The following C1orf167 variants were observed in gnomAD, a reference collection of about 807,000 sequenced individuals.
C1orf167 encodes the protein chromosome 1 open reading frame 167, also known as uncharacterized protein C1orf167.
C1orf167 carries 153 observed loss-of-function variants against 176.5 expected under a neutral mutation model. The observed-to-expected ratio is 0.87, with a 90% CI of 0.76 to 0.99. The LOEUF is 0.99. Ranked by LOEUF, C1orf167 falls within the 50% of genes least tolerant of loss-of-function variation. The pLI, the probability that C1orf167 is intolerant of heterozygous loss-of-function variation, is 0.00. For missense variants in C1orf167, 1,490 were observed against 1,817.7 expected (o/e 0.82, Z 3.28); for synonymous variants, 594 against 752.7 (o/e 0.79, Z 3.45).
At chr1:11,781,574 G>A (rs955569634) in intron 13 of C1orf167, among the ~76,000 whole-genome samples, 1 of 152,304 alleles carries the variant, frequency 6.6e-6, no homozygotes, top group African/African-American at 2.4e-5. Flanking sequence ...GGAACACTGA[G>A]CCAGTGTTTC....
In C1orf167 at chr1:11,766,791, C is replaced by A; in HGVS notation, c.1005C>A (p.Thr335=). The change falls in exon 3 of 21, where the codon ACC becomes ACA. Residue 335 remains threonine, a synonymous_variant. Transcript: ENST00000688073. This position sits in a 1 kb window ranked among gnomAD's most constrained non-coding sequence, Gnocchi z 4.5. ...CTGAGACCACTTTGGGGACACGGACCAAGGATTCCCTTAATCCTGAGCAGG... is the reference window on the plus strand; with the variant it reads ...CTGAGACCACTTTGGGGACACGGACAAAGGATTCCCTTAATCCTGAGCAGG... ...MSPETTLGTR[T]KDSLNPEQGL... The A allele has an allele frequency of 7.8e-7, 1 of 1,289,722 alleles. No individual in the cohort carries two copies. Among genetic ancestry groups the A allele is most frequent in the Non-Finnish European group, 1.0e-6 (1 of 988,832 alleles). The allele number at this position is 1,289,722 out of a possible 1,614,324, so 79.9% of individuals were successfully genotyped here. A position where few individuals can be genotyped will look rare whatever the true frequency, so the allele number is the denominator to read the frequency against.
chr1:11,767,484 C>CT (rs1373451663), intron 4 of C1orf167, among the ~76,000 whole-genome samples: 1 of 152,094 alleles, frequency 6.6e-6, no homozygotes, highest in Non-Finnish European at 1.5e-5. Context: ...GTTTGGGACA[C>CT]TGAGTGTCCT....
At chr1:11,773,853 A>G (rs10864539) in intron 8 of C1orf167, among the ~76,000 whole-genome samples, 87,566 of 151,888 alleles carry the variant, frequency 0.58, 26,081 homozygotes, top group East Asian at 0.77. Flanking sequence ...AGAGTTTGCA[A>G]TGAGGTCCAT....
chr1:11,785,869 A>C (rs1643843356), intron 16 of C1orf167: 1 of 152,178 alleles, frequency 6.6e-6, no homozygotes, highest in Admixed American at 6.5e-5. Context: ...AGTAGCTGGG[A>C]CTACAAGTGC....
At chr1:11,783,317 G>A (rs1345894845) in intron 14 of C1orf167, among the ~76,000 whole-genome samples, 1 of 152,038 alleles carries the variant, frequency 6.6e-6, no homozygotes, top group Non-Finnish European at 1.5e-5. Flanking sequence ...GCGCGATCTC[G>A]GCTTACCACA....
At chr1:11,778,499 G>C (rs80001635) in intron 10 of C1orf167, 161 bp from the exon 11 acceptor site, 39,369 of 506,052 alleles carry the variant, frequency 0.078, 1,796 homozygotes, top group Middle Eastern at 0.13. Context: ...CAGCCGCTGT[G>C]GGGGGCAGCA....
chr1:11,770,600 C>T (rs974072076), intron 6 of C1orf167, among the ~76,000 whole-genome samples: 9 of 149,398 alleles, frequency 6.0e-5, no homozygotes, highest in African/African-American at 1.5e-4. Flanking sequence ...CACACCACCA[C>T]GCCTGGCTGA....
chr1:11,777,400 C>T (rs1643369593), intron 10 of C1orf167: 2 of 152,686 alleles, frequency 1.3e-5, no homozygotes, highest in Non-Finnish European at 2.9e-5. Context: ...CCTGTAATCC[C>T]AGCACTTTAA....
chr1:11,787,966 G>A lies in C1orf167; in HGVS notation c.3767G>A (p.Arg1256Lys). The change falls in exon 18 of 21, where the codon AGG (arginine) becomes AAG (lysine). Residue 1256 changes from arginine to lysine, a missense_variant. Arg to Lys is a conservative substitution (Grantham distance 26, BLOSUM62 2). Coordinates refer to ENST00000688073, the MANE Select transcript of C1orf167 (RefSeq NM_001010881.2). The stretch of plus-strand genomic sequence containing the variant: ...GTCCCAGGCCTGCCCCTGTGGACGA[G>A]GGACCAGGGACCAAGAGCGCACTCC... Reference protein sequence around the residue: ...SWVPGLPLWTRDQGPRAHSSP... With the variant: ...SWVPGLPLWTKDQGPRAHSSP... 7.7e-7 allele frequency: 1 copy of A among 1,304,248 alleles called. No homozygotes were observed. The highest frequency in any genetic ancestry group is 1.5e-5 in the African/African-American group (1 of 66,000). 80.8% of individuals were successfully genotyped at this position (1,304,248 alleles called of 1,614,324 possible).
At chr1:11,788,980 G>A (rs976212337) in intron 20 of C1orf167, 144 of 388,272 alleles carry the variant, frequency 3.7e-4, no homozygotes, top group African/African-American at 2.7e-3. Context: ...ATCAGTTTGC[G>A]AAGAAGGTGT....
chr1:11,779,605 C>T (rs1237958636), intron 12 of C1orf167, 197 bp from the exon 13 acceptor site: 2 of 346,256 alleles, frequency 5.8e-6, no homozygotes, highest in Non-Finnish European at 1.1e-5. Context: ...ACCCTATCCC[C>T]ACCACTCATC....
At position 11,771,714 on chromosome 1, in the gene C1orf167, G is replaced by C; in HGVS notation, c.1810+78G>C. The C allele has an allele frequency of 4.4e-6, 4 of 908,610 alleles. No individual in the cohort carries two copies. In the South Asian group the frequency reaches 5.5e-5, roughly 13 times the overall value. The allele number at this position is 908,610 out of a possible 1,614,324, so 56.3% of individuals were successfully genotyped here. A position where few individuals can be genotyped will look rare whatever the true frequency, so the allele number is the denominator to read the frequency against. ...CCTGAGCTCCACACTGGGCAGGGGC[G>C]GGGGACCCTGGGCGAATGAATGTTT... On this transcript the variant is annotated intron_variant, in intron 7 of 20. Transcript: ENST00000688073.
At chr1:11,788,456 T>A in intron 19 of C1orf167, 78 bp downstream of exon 19, 1 of 1,217,884 alleles carries the variant, frequency 8.2e-7, no homozygotes, top group Admixed American at 2.5e-5. Flanking sequence ...CTCAAAAGTA[T>A]GGCCCTTGGA....
chr1:11,778,499 G>A (rs80001635), intron 10 of C1orf167, 161 bp from the exon 11 acceptor site: 34 of 506,252 alleles, frequency 6.7e-5, no homozygotes, highest in Non-Finnish European at 9.4e-5. Context: ...CAGCCGCTGT[G>A]GGGGGCAGCA....
intron 1 of C1orf167, among the ~76,000 whole-genome samples, chr1:11,763,980 C>CGAGGACGGCTGGAGTTCAGTTTTG (rs1557716772): frequency 1.3e-5 from 2 of 152,136 alleles, no homozygotes; most frequent in Admixed American, 1.3e-4. Context: ...GAGCTGGTTG[C>CGAGGACGGCTGGAGTTCAGTTTTG]GAGGACGGCT....
intron 6 of C1orf167, 126 bp downstream of exon 6, chr1:11,769,253 A>G (rs2100270021): frequency 1.3e-6 from 1 of 783,912 alleles, no homozygotes; most frequent in East Asian, 1.3e-4. Flanking sequence ...AGATTTATGC[A>G]AAAAAGATGT....
chr1:11,772,049 T>C (rs1276479068), intron 7 of C1orf167, 33 bp from the exon 8 acceptor site: 1 of 1,280,292 alleles, frequency 7.8e-7, no homozygotes, highest in Non-Finnish European at 1.0e-6. Context: ...CTGCTTACTC[T>C]CTCTTTTCTC....
rs1051093122 is a variant in C1orf167, at chr1:11,787,573, A to T, written c.3673+80A>T. The stretch of plus-strand genomic sequence containing the variant: ...GGTCTCCAGTCCTCAGGGGCCTGGA[A>T]ATCAGCTCCTTGGGACACGGTCTTA... On this transcript the variant is annotated intron_variant, in intron 17 of 20. Transcript: ENST00000688073. 3.0e-6 allele frequency: 3 copies of T among 1,006,752 alleles called. No individual in the cohort carries two copies. The East Asian group carries it at 1.9e-4, about 64-fold the overall frequency. 62.4% of individuals were successfully genotyped at this position (1,006,752 alleles called of 1,614,324 possible).
rs1642931948 is a variant in C1orf167, at chr1:11,769,086, A to G, written c.1656A>G (p.Thr552=). 1 of 985,778 alleles carries G rather than the reference A, an allele frequency of 1.0e-6. No homozygotes were observed. The highest frequency in any genetic ancestry group is 1.2e-6 in the Non-Finnish European group (1 of 829,962). The allele number at this position is 985,778 out of a possible 1,614,324, so 61.1% of individuals were successfully genotyped here. ...QGKGLSLGRS[T]VVDPAQRSRL... is the part of the protein sequence containing the mutation. Reference sequence around the variant, plus strand: ...AAGGCCTCTCCTTGGGAAGAAGCACAGTGGTGGACCCCGCCCAGAGAAGCA... The same window carrying G: ...AAGGCCTCTCCTTGGGAAGAAGCACGGTGGTGGACCCCGCCCAGAGAAGCA... The change falls in exon 6 of 21, where the codon ACA becomes ACG. Residue 552 remains threonine (T), a synonymous_variant. Coordinates refer to ENST00000688073, the MANE Select transcript of C1orf167 (RefSeq NM_001010881.2).
Sources: allele counts gnomAD v4.1 joint callset (sites outside exome capture counted in the v4.1 genomes callset), GRCh38; gene constraint gnomAD v4.1.1; non-coding constraint Gnocchi (gnomAD v3.1); transcripts MANE v1.5; gene names NCBI Gene and HGNC (gene_info 2026-07-23, HGNC 2026-07-21).